Variants in SAMD4A observed in about 807,000 individuals in gnomAD.
SAMD4A encodes the protein sterile alpha motif domain containing 4A, also known as protein Smaug homolog 1.
Under a neutral mutation model 81.3 loss-of-function variants are expected in SAMD4A, and 33 were observed. That is an observed-to-expected ratio of 0.41 (90% CI 0.31 to 0.54). The LOEUF is 0.54. Among genes scored for constraint, SAMD4A ranks in the 20% least tolerant of loss-of-function variants. The probability of loss-of-function intolerance (pLI) is 0.37; values close to 1 mark genes in which losing one functional copy is unlikely to be tolerated. For missense variants in SAMD4A, 854 were observed against 951.1 expected, an observed-to-expected ratio of 0.90 and a Z score of 1.34; for synonymous variants, 389 against 382.1, an observed-to-expected ratio of 1.02 and a Z score of -0.21.
chr14:54,706,447 A>T (rs2140773828), intron 3 of SAMD4A, among the ~76,000 whole-genome samples: 1 of 151,990 alleles, frequency 6.6e-6, no homozygotes. Flanking sequence ...TCTACTAAAC[A>T]TACAAAAACT....
At chr14:54,627,593 T>C (rs1281296722) in intron 2 of SAMD4A, among the ~76,000 whole-genome samples, 1 of 152,188 alleles carries the variant, frequency 6.6e-6, no homozygotes, top group Non-Finnish European at 1.5e-5. Flanking sequence ...CAGCTCAGCT[T>C]TTTGTCAGCG....
chr14:54,738,804 C>T (rs1033320412), intron 4 of SAMD4A, among the ~76,000 whole-genome samples: 5 of 152,310 alleles, frequency 3.3e-5, no homozygotes, highest in Middle Eastern at 3.4e-3. Context: ...GAGGCTGAGA[C>T]AGCCGTTGCT....
chr14:54,749,054 G>A, intron 5 of SAMD4A, 130 bp downstream of exon 5: 2 of 628,402 alleles, frequency 3.2e-6, no homozygotes, highest in Non-Finnish European at 5.6e-6. Context: ...GAAACTGTGG[G>A]GTGCTGGCCA....
intron 2 of SAMD4A, among the ~76,000 whole-genome samples, chr14:54,592,523 G>A (rs563605159): frequency 9.2e-5 from 14 of 152,028 alleles, no homozygotes; most frequent in South Asian, 8.3e-4. Flanking sequence ...GCAGTGGTGC[G>A]ATCTCGGCTC....
intron 11 of SAMD4A, among the ~76,000 whole-genome samples, chr14:54,779,177 G>A (rs952902382): frequency 4.6e-5 from 7 of 152,190 alleles, no homozygotes; most frequent in South Asian, 2.1e-4. Context: ...AATCTGGTTC[G>A]CTATGGAGAC....
At position 54,789,050 on chromosome 14, in the gene SAMD4A, T is replaced by G. The variant is rs996746532; in HGVS notation, c.*106T>G. Reference sequence around the variant, plus strand: ...GAATCCTCCAAGATACTTTGCAGCCTTTTTTCCCCCTGGTCCCTCTCCCGT... The same window carrying G: ...GAATCCTCCAAGATACTTTGCAGCCGTTTTTCCCCCTGGTCCCTCTCCCGT... On this transcript the variant is annotated 3_prime_UTR_variant, in exon 13 of 13. Coordinates refer to ENST00000554335, the MANE Select transcript of SAMD4A (RefSeq NM_015589.6). 32 of 1,275,376 alleles carry G rather than the reference T, an allele frequency of 2.5e-5. No homozygotes were observed. Among genetic ancestry groups the G allele is most frequent in the Non-Finnish European group, 3.6e-5 (32 of 879,070 alleles). 79.0% of individuals were successfully genotyped at this position (1,275,376 alleles called of 1,614,324 possible). A position where few individuals can be genotyped will look rare whatever the true frequency, so the allele number is the denominator to read the frequency against.
chr14:54,627,539 C>G (rs185494166), intron 2 of SAMD4A, among the ~76,000 whole-genome samples: 1 of 152,302 alleles, frequency 6.6e-6, no homozygotes, highest in East Asian at 1.9e-4. Flanking sequence ...AGAAGCTCTA[C>G]CAGAATGTGG....
At chr14:54,685,824 G>T (rs1369809783) in intron 2 of SAMD4A, 7 of 456,720 alleles carry the variant, frequency 1.5e-5, no homozygotes, top group South Asian at 6.2e-5. Flanking sequence ...GTATGCATCC[G>T]AAGGGTAACA....
intron 2 of SAMD4A, among the ~76,000 whole-genome samples, chr14:54,664,432 C>T (rs1040079909): frequency 9.9e-5 from 15 of 152,172 alleles, no homozygotes; most frequent in African/African-American, 3.6e-4. Context: ...TGTCACTCAA[C>T]AGGTTACCAG....
chr14:54,688,982 A>T (rs1360399103), intron 2 of SAMD4A, among the ~76,000 whole-genome samples: 1 of 133,014 alleles, frequency 7.5e-6, no homozygotes, highest in African/African-American at 2.8e-5. Flanking sequence ...TCCAGGTTAG[A>T]GTCCAATGGC....
intron 8 of SAMD4A, among the ~76,000 whole-genome samples, chr14:54,764,837 A>C (rs1005726772): frequency 6.6e-6 from 1 of 152,218 alleles, no homozygotes; most frequent in African/African-American, 2.4e-5. Flanking sequence ...AGGGTAACAC[A>C]TGAGCCCTGC....
intron 2 of SAMD4A, among the ~76,000 whole-genome samples, chr14:54,615,904 C>G (rs2034479163): frequency 6.6e-6 from 1 of 151,470 alleles, no homozygotes; most frequent in Admixed American, 6.6e-5. Context: ...CGATAGAAGA[C>G]AGATTTAATT....
chr14:54,721,070 G>A (rs2037250062), intron 3 of SAMD4A, among the ~76,000 whole-genome samples: 1 of 152,108 alleles, frequency 6.6e-6, no homozygotes, highest in South Asian at 2.1e-4. Flanking sequence ...TGTCATTTTT[G>A]TGAGTTTTCA....
intron 2 of SAMD4A, among the ~76,000 whole-genome samples, chr14:54,607,283 T>C (rs2034233675): frequency 6.6e-6 from 1 of 152,146 alleles, no homozygotes; most frequent in African/African-American, 2.4e-5. Context: ...AGATTTGGTT[T>C]TCATTTTAAA....
chr14:54,710,724 C>G (rs1366051920), intron 3 of SAMD4A, among the ~76,000 whole-genome samples: 1 of 151,598 alleles, frequency 6.6e-6, no homozygotes, highest in Non-Finnish European at 1.5e-5. Context: ...AGGGAGCAGT[C>G]TTTGCACCGA....
chr14:54,618,575 C>T lies in SAMD4A; in HGVS notation c.196+50463C>T, dbSNP rs191303166. Among the ~76,000 whole-genome samples, 103 of 152,214 alleles carry T rather than the reference C, an allele frequency of 6.8e-4. 4 individuals are homozygous for T. The South Asian group carries it at 0.013, about 19-fold the overall frequency. ...TGAAAATCAACTGAAGAATTTAAGT[C>T]AAGTTTAGAATAGATAAATATGTCT... On this transcript the variant is annotated intron_variant, in intron 2 of 12. Coordinates refer to ENST00000554335, the MANE Select transcript of SAMD4A (RefSeq NM_015589.6).
At chr14:54,620,059 T>C (rs921112025) in intron 2 of SAMD4A, among the ~76,000 whole-genome samples, 15 of 152,122 alleles carry the variant, frequency 9.9e-5, no homozygotes, top group African/African-American at 3.6e-4. Context: ...CTAAAACTGA[T>C]GGCTACTCTT....
chr14:54,691,256 C>T (rs2036428220), intron 2 of SAMD4A, among the ~76,000 whole-genome samples: 1 of 152,148 alleles, frequency 6.6e-6, no homozygotes, highest in South Asian at 2.1e-4. Flanking sequence ...AAGGATGAGG[C>T]CCTTGTCTGG....
At chr14:54,618,517 C>T (rs1171743927) in intron 2 of SAMD4A, among the ~76,000 whole-genome samples, 1 of 152,214 alleles carries the variant, frequency 6.6e-6, no homozygotes, top group Admixed American at 6.5e-5. Context: ...AAACCATCTC[C>T]ATCTAAGCAT....
Sources: allele counts gnomAD v4.1 joint callset (sites outside exome capture counted in the v4.1 genomes callset), GRCh38; gene constraint gnomAD v4.1.1; transcripts MANE v1.5; gene names NCBI Gene and HGNC (gene_info 2026-07-23, HGNC 2026-07-21).